IGSF11: variants seen among roughly 807,000 people sequenced by gnomAD.
The protein encoded by IGSF11 is CXADR like 1.
In IGSF11, 22 loss-of-function variants were observed where a neutral mutation model predicts 41.0. The ratio of observed to expected loss-of-function variants is 0.54; its 90% confidence interval spans 0.38 to 0.77. IGSF11 has a LOEUF of 0.77. Among genes scored for constraint, IGSF11 ranks in the 30% least tolerant of loss-of-function variants. IGSF11 has a pLI of 0.00. For synonymous variants in IGSF11, 219 were observed against 201.3 expected (o/e 1.09, Z -0.74); for missense variants, 444 against 530.8 (o/e 0.84, Z 1.61).
intron 1 of IGSF11, among the ~76,000 whole-genome samples, chr3:119,006,003 G>T (rs896784585): frequency 8.3e-6 from 1 of 120,438 alleles, no homozygotes; most frequent in Non-Finnish European, 1.6e-5. Context: ...GAATCTGAAC[G>T]TTGGCCTGCC....
chr3:119,132,118 C>T (rs1392959128), intron 1 of IGSF11, among the ~76,000 whole-genome samples: 5 of 152,004 alleles, frequency 3.3e-5, no homozygotes, highest in Non-Finnish European at 1.5e-5. Context: ...TAAAGACCAT[C>T]GATGCTATAA....
chr3:119,060,444 T>C (rs1942017247), intron 1 of IGSF11, among the ~76,000 whole-genome samples: 1 of 152,164 alleles, frequency 6.6e-6, no homozygotes. Flanking sequence ...AGTGTGTAGA[T>C]CAGAACCAGT....
intron 1 of IGSF11, among the ~76,000 whole-genome samples, chr3:119,043,523 C>T (rs1431144468): frequency 2.0e-5 from 3 of 152,124 alleles, no homozygotes; most frequent in African/African-American, 7.2e-5. Context: ...GATTCCATTG[C>T]CGGCAACACC....
intron 1 of IGSF11, chr3:118,945,868 A>G (rs1944088060): frequency 6.6e-6 from 1 of 152,216 alleles, no homozygotes; most frequent in African/African-American, 2.4e-5. Context: ...CTGTGCCTAG[A>G]TTAAAATGAT....
chr3:119,110,594 A>G (rs2077136134), intron 1 of IGSF11, among the ~76,000 whole-genome samples: 1 of 152,204 alleles, frequency 6.6e-6, no homozygotes, highest in Non-Finnish European at 1.5e-5. Context: ...ATTTACATTT[A>G]AAGTTAATAT....
intron 1 of IGSF11, among the ~76,000 whole-genome samples, chr3:119,089,046 A>C (rs970361326): frequency 4.6e-5 from 7 of 152,182 alleles, no homozygotes; most frequent in African/African-American, 1.7e-4. Flanking sequence ...ATTCAAAAAA[A>C]TCGAGGAGTA....
chr3:118,910,528 T>C (rs1274226107), intron 4 of IGSF11, among the ~76,000 whole-genome samples: 1 of 152,238 alleles, frequency 6.6e-6, no homozygotes, highest in Admixed American at 6.5e-5. Flanking sequence ...AAGCCTTCCA[T>C]TTATGACTGG....
Position 119,125,488 on chromosome 3 carries a change from G to A in IGSF11, c.-13-20283C>T, listed in dbSNP as rs552144311. 3.3e-5 allele frequency among the ~76,000 whole-genome samples: 5 copies of A among 152,156 alleles called. No individual in the cohort carries two copies. In the South Asian group the frequency reaches 8.3e-4, roughly 25 times the overall value. The stretch of plus-strand genomic sequence containing the variant: ...CGTTACAAAGTATATTCACAAGGGC[G>A]GGGAGGAATGTTAAAAAGTACATTC... On this transcript the variant is annotated intron_variant, in intron 1 of 7. Transcript: ENST00000425327.
chr3:119,139,409 T>C (rs940923565), intron 1 of IGSF11, among the ~76,000 whole-genome samples: 25 of 152,212 alleles, frequency 1.6e-4, no homozygotes, highest in African/African-American at 5.8e-4. Context: ...GCTCCCATAA[T>C]TCCCACGTGT....
At chr3:119,012,693 T>G (rs1177114027) in intron 1 of IGSF11, 2 of 152,196 alleles carry the variant, frequency 1.3e-5, no homozygotes, top group Non-Finnish European at 2.9e-5. Flanking sequence ...GAAACAGAAA[T>G]TATAACAAGT....
At chr3:118,971,190 C>T (rs775717550) in intron 1 of IGSF11, among the ~76,000 whole-genome samples, 14 of 152,122 alleles carry the variant, frequency 9.2e-5, no homozygotes, top group Non-Finnish European at 1.9e-4. Flanking sequence ...ATTTATGGCA[C>T]GCTGTATTTA....
chr3:119,026,893 A>G (rs1165912926), intron 1 of IGSF11, among the ~76,000 whole-genome samples: 1 of 152,166 alleles, frequency 6.6e-6, no homozygotes, highest in Admixed American at 6.5e-5. Flanking sequence ...TCAAAACTGT[A>G]CAAAATGAGA....
chr3:118,904,623 A>T (rs1939350889), intron 6 of IGSF11, 25 bp downstream of exon 6: 2 of 1,569,430 alleles, frequency 1.3e-6, no homozygotes. Context: ...ATGCAGGACA[A>T]ATTTTAAAAA....
intron 1 of IGSF11, among the ~76,000 whole-genome samples, chr3:119,088,514 G>C (rs2076713903): frequency 6.6e-6 from 1 of 151,696 alleles, no homozygotes; most frequent in Admixed American, 6.6e-5. Context: ...GTGCCTAAAG[G>C]CACTACAAAA....
At chr3:118,957,274 T>A (rs913673945) in intron 1 of IGSF11, among the ~76,000 whole-genome samples, 2 of 152,160 alleles carry the variant, frequency 1.3e-5, no homozygotes, top group African/African-American at 4.8e-5. Context: ...CTACTTTACT[T>A]AGTCCAACTA....
At chr3:118,903,023 C>T in intron 6 of IGSF11, 62 bp from the exon 7 acceptor site, 1 of 1,456,528 alleles carries the variant, frequency 6.9e-7, no homozygotes, top group Non-Finnish European at 9.4e-7. Context: ...ATCCTCCTAC[C>T]CTGGAATCTT....
At chr3:119,110,593 T>G (rs1293756027) in intron 1 of IGSF11, among the ~76,000 whole-genome samples, 1 of 152,226 alleles carries the variant, frequency 6.6e-6, no homozygotes, top group Non-Finnish European at 1.5e-5. Context: ...CATTTACATT[T>G]AAAGTTAATA....
Position 119,134,565 on chromosome 3 carries a change from G to T in IGSF11, c.-14+11248C>A, listed in dbSNP as rs145512785. ...AACCACTGCTCAATGAAATAAAAGA[G>T]GACACAAACAAATGAAAGAACATTC... On this transcript the variant is annotated intron_variant, in intron 1 of 7. Transcript: ENST00000425327. Among the ~76,000 whole-genome samples the T allele has an allele frequency of 1.1e-4, 16 of 152,096 alleles. No individual in the cohort carries two copies. In the East Asian group the frequency reaches 3.1e-3, roughly 29 times the overall value.
Position 119,052,134 on chromosome 3 carries a change from A to C in IGSF11, c.49+53010T>G, listed in dbSNP as rs184141911. ...GAAAAGAAATAACAAATATCAGAGC[A>C]GAACTAAATGAAATTGAAACAAAAA... is the stretch of plus-strand genomic sequence containing the variant. On this transcript the variant is annotated intron_variant, in intron 1 of 6. Transcript: ENST00000354673. Among the ~76,000 whole-genome samples the C allele has an allele frequency of 4.1e-4, 62 of 152,290 alleles. 1 individual carries two copies. The East Asian group carries it at 0.012, about 29-fold the overall frequency.
Sources: gnomAD v4.1 joint callset for allele counts (sites outside exome capture counted in the v4.1 genomes callset) on GRCh38, gnomAD v4.1.1 for gene constraint, MANE v1.5 for transcripts, NCBI Gene and HGNC (gene_info 2026-07-23, HGNC 2026-07-21) for gene names.